Variants in RC3H1 observed in about 807,000 individuals in gnomAD.
The protein encoded by RC3H1 is roquin-1.
Under a neutral mutation model 138.2 loss-of-function variants are expected in RC3H1, and 50 were observed. The observed-to-expected ratio is 0.36, with a 90% CI of 0.29 to 0.46. The LOEUF (loss-of-function observed/expected upper bound fraction) is 0.46. Ranked by LOEUF, RC3H1 falls within the 20% of genes least tolerant of loss-of-function variation. The pLI is 1.00. For missense variants in RC3H1, 1,031 were observed against 1,388.1 expected (o/e 0.74, Z 4.09); for synonymous variants, 462 against 489.1 (o/e 0.94, Z 0.73).
intron 7 of RC3H1, among the ~76,000 whole-genome samples, chr1:173,973,507 T>A (rs561030335): frequency 6.9e-6 from 1 of 145,068 alleles, no homozygotes; most frequent in Non-Finnish European, 1.5e-5. Flanking sequence ...CTGCACTCCA[T>A]CCTGGTGACA....
chr1:174,021,895 A>G (rs901690535), intron 1 of RC3H1, among the ~76,000 whole-genome samples: 5 of 152,174 alleles, frequency 3.3e-5, no homozygotes, highest in Non-Finnish European at 7.4e-5. Flanking sequence ...CCTGAGGCCT[A>G]AAGGACGCCG....
intron 13 of RC3H1, among the ~76,000 whole-genome samples, chr1:173,956,581 C>G (rs1659656185): frequency 6.6e-6 from 1 of 150,880 alleles, no homozygotes; most frequent in African/African-American, 2.4e-5. Flanking sequence ...ATCACTTGAA[C>G]CCAGGAGGCG....
chr1:173,947,308 G>A, intron 15 of RC3H1, 61 bp downstream of exon 15: 1 of 1,105,738 alleles, frequency 9.0e-7, no homozygotes, highest in African/African-American at 1.5e-5. Flanking sequence ...TGGAGAGCAG[G>A]GGTAATGCTG....
intron 14 of RC3H1, among the ~76,000 whole-genome samples, chr1:173,951,482 CA>C (rs1276182750): frequency 1.3e-5 from 2 of 152,114 alleles, no homozygotes; most frequent in African/African-American, 4.8e-5. Context: ...AATTCTGACT[CA>C]AATACTACTT....
intron 1 of RC3H1, among the ~76,000 whole-genome samples, chr1:174,011,448 T>C (rs932801347): frequency 8.6e-5 from 13 of 151,622 alleles, no homozygotes; most frequent in African/African-American, 2.9e-4. Context: ...GTTTTAAAAG[T>C]AGTAATTACA....
At chr1:174,004,543 T>C (rs12141964) in intron 1 of RC3H1, among the ~76,000 whole-genome samples, 110,649 of 151,842 alleles carry the variant, frequency 0.73, 44,329 homozygotes, top group Non-Finnish European at 0.88. Context: ...CAGTGGCTCA[T>C]GCCTATAATC....
At chr1:174,011,378 A>T (rs1661766055) in intron 1 of RC3H1, among the ~76,000 whole-genome samples, 1 of 152,164 alleles carries the variant, frequency 6.6e-6, no homozygotes, top group Admixed American at 6.5e-5. Context: ...TTTAACTAAA[A>T]CCATTCAAAA....
intron 13 of RC3H1, among the ~76,000 whole-genome samples, chr1:173,958,525 G>A (rs928078972): frequency 2.6e-5 from 4 of 151,100 alleles, no homozygotes; most frequent in Non-Finnish European, 5.9e-5. Flanking sequence ...CAGCCTGGGC[G>A]ACAGAGCAAG....
At chr1:173,979,527 G>A (rs766465700) in intron 6 of RC3H1, among the ~76,000 whole-genome samples, 17 of 152,214 alleles carry the variant, frequency 1.1e-4, no homozygotes, top group African/African-American at 3.9e-4. Context: ...GTGGTAGTGC[G>A]TGCCTGTAAT....
In RC3H1 at chr1:173,980,995, A is replaced by G; in HGVS notation, c.783T>C (p.Asp261=). 1 of 1,613,936 alleles carries G rather than the reference A, an allele frequency of 6.2e-7. No homozygotes were observed. The highest frequency in any genetic ancestry group is 8.5e-7 in the Non-Finnish European group (1 of 1,179,812). The change falls in exon 6 of 20, where the codon GAT becomes GAC. Residue 261 remains aspartate, a synonymous_variant. Transcript: ENST00000367696. ...RASCFKVTKR[D]EDSSLMQLKE... ...TCAGCTGCATCAAAGAAGAGTCTTC[A>G]TCACGTTTGGTGACCTAATAAGACA...
intron 18 of RC3H1, among the ~76,000 whole-genome samples, chr1:173,942,675 A>C (rs1399021960): frequency 6.6e-6 from 1 of 151,758 alleles, no homozygotes; most frequent in Admixed American, 6.6e-5. Context: ...TACTAAAAAT[A>C]CAAAAAATTA....
chr1:174,014,628 A>G (rs1451623585), intron 1 of RC3H1, among the ~76,000 whole-genome samples: 1 of 152,170 alleles, frequency 6.6e-6, no homozygotes, highest in African/African-American at 2.4e-5. Context: ...ATATCTTTCT[A>G]ATTTTTGTTA....
chr1:174,003,406 C>CACACACAT (rs1442555837), intron 1 of RC3H1, among the ~76,000 whole-genome samples: 1 of 151,610 alleles, frequency 6.6e-6, no homozygotes, highest in African/African-American at 2.4e-5. Flanking sequence ...CACACACACA[C>CACACACAT]ACACACACAC....
chr1:173,941,241 C>T (rs751342988), intron 19 of RC3H1, 24 bp downstream of exon 19: 10 of 1,366,364 alleles, frequency 7.3e-6, no homozygotes, highest in African/African-American at 1.4e-5. Context: ...TTTAATATGG[C>T]TACGACAATC....
rs1388050413 is a variant in RC3H1 at position 173,932,818 on chromosome 1, A to AATC, written c.*5902_*5903insGAT. The stretch of plus-strand genomic sequence containing the variant: ...AAAAAAGGCAAATAATAATAATAAT[A>AATC]ATAATAGAGCAACCAATTATTCACC... On this transcript the variant is annotated 3_prime_UTR_variant, in exon 20 of 20. Coordinates refer to ENST00000367696, the MANE Select transcript of RC3H1 (RefSeq NM_172071.4). 6.6e-6 allele frequency: 1 copy of AATC among 152,130 alleles called. No homozygotes were observed. Among genetic ancestry groups the AATC allele is most frequent in the Admixed American group, 6.6e-5 (1 of 15,266 alleles). 9.4% of individuals were successfully genotyped at this position (152,130 alleles called of 1,614,324 possible). A position where few individuals can be genotyped will look rare whatever the true frequency, so the allele number is the denominator to read the frequency against.
intron 1 of RC3H1, among the ~76,000 whole-genome samples, chr1:174,013,623 G>A (rs1224613430): frequency 6.6e-6 from 1 of 151,928 alleles, no homozygotes; most frequent in Non-Finnish European, 1.5e-5. Flanking sequence ...TGTATTTTTA[G>A]TAGAGACAGG....
intron 13 of RC3H1, among the ~76,000 whole-genome samples, chr1:173,952,426 A>C (rs975620800): frequency 9.7e-5 from 11 of 113,212 alleles, no homozygotes; most frequent in South Asian, 6.0e-4. Context: ...AAAAAAAGGT[A>C]TTTCAATATC....
At chr1:174,005,770 T>C (rs1010236419) in intron 1 of RC3H1, among the ~76,000 whole-genome samples, 1 of 152,208 alleles carries the variant, frequency 6.6e-6, no homozygotes, top group African/African-American at 2.4e-5. Context: ...TGTATCATAA[T>C]CCAGCTCAAC....
chr1:173,952,401 G>GAAAA (rs780465060), intron 13 of RC3H1, among the ~76,000 whole-genome samples: 3 of 55,996 alleles, frequency 5.4e-5, no homozygotes, highest in Non-Finnish European at 8.8e-5. Flanking sequence ...TTAGCAGAAG[G>GAAAA]TAAAAAAAAA....
Sources: gnomAD v4.1 joint callset for allele counts (sites outside exome capture counted in the v4.1 genomes callset) on GRCh38, gnomAD v4.1.1 for gene constraint, MANE v1.5 for transcripts, NCBI Gene and HGNC (gene_info 2026-07-23, HGNC 2026-07-21) for gene names.